ITPR2: variants seen among roughly 807,000 people sequenced by gnomAD.
ITPR2 encodes inositol 1,4,5-trisphosphate receptor type 2, also known as inositol 1,4,5-trisphosphate-gated calcium channel ITPR2.
ITPR2 carries 207 observed loss-of-function variants against 317.1 expected under a neutral mutation model. The ratio of observed to expected loss-of-function variants is 0.65; its 90% CI spans 0.58 to 0.73. The LOEUF (loss-of-function observed/expected upper bound fraction) is 0.73. ITPR2 is among the 30% of genes least tolerant of loss of function. ITPR2 has a pLI of 0.00. For missense variants in ITPR2, 2,613 were observed against 3,284.0 expected, an observed-to-expected ratio of 0.80 and a Z score of 4.99; for synonymous variants, 1,156 against 1,149.1, an observed-to-expected ratio of 1.01 and a Z score of -0.12.
At chr12:26,731,849 G>A (rs1949033429) in intron 2 of ITPR2, among the ~76,000 whole-genome samples, 1 of 152,170 alleles carries the variant, frequency 6.6e-6, no homozygotes, top group Non-Finnish European at 1.5e-5. Context: ...CAGAGTTGAT[G>A]CAGGGAGAGG....
intron 2 of ITPR2, among the ~76,000 whole-genome samples, chr12:26,775,375 C>G (rs1949941130): frequency 6.6e-6 from 1 of 151,764 alleles, no homozygotes. Context: ...AACAATGAGC[C>G]AATGCAACAA....
rs766248668 is a variant in ITPR2, at chr12:26,523,275, G to A, written c.5073+26972C>T. On this transcript the variant is annotated intron_variant, in intron 37 of 56. Coordinates refer to ENST00000381340, the MANE Select transcript of ITPR2 (RefSeq NM_002223.4). ...ACCAAATATAGGGTTAATTTCTGAC[G>A]GTTCCTTAAATTGATCAGCTATAAT... Among the ~76,000 whole-genome samples the A allele has an allele frequency of 4.6e-5, 7 of 152,004 alleles. No individual in the cohort carries two copies. The East Asian group carries it at 5.8e-4, about 13-fold the overall frequency.
intron 34 of ITPR2, among the ~76,000 whole-genome samples, chr12:26,575,506 C>T (rs1316319044): frequency 3.3e-5 from 5 of 151,860 alleles, no homozygotes; most frequent in South Asian, 2.1e-4. Context: ...ACAAGGAAAA[C>T]GAAGAAGGCA....
chr12:26,402,465 G>A (rs560897043), intron 52 of ITPR2, among the ~76,000 whole-genome samples: 24 of 152,262 alleles, frequency 1.6e-4, no homozygotes, highest in South Asian at 4.1e-4. Flanking sequence ...ACCTCTCTCC[G>A]AGAATTTAGA....
chr12:26,826,851 T>C (rs1457838588), intron 1 of ITPR2, among the ~76,000 whole-genome samples: 1 of 152,168 alleles, frequency 6.6e-6, no homozygotes, highest in Non-Finnish European at 1.5e-5. Flanking sequence ...GATTCTACTA[T>C]CCCACTATCC....
intron 20 of ITPR2, among the ~76,000 whole-genome samples, chr12:26,655,386 A>C (rs1353960406): frequency 6.6e-6 from 1 of 152,116 alleles, no homozygotes; most frequent in Admixed American, 6.5e-5. Context: ...AGGCCGGGGC[A>C]GGTGGATCAC....
chr12:26,565,027 A>T (rs1292597061), intron 34 of ITPR2, among the ~76,000 whole-genome samples: 1 of 152,218 alleles, frequency 6.6e-6, no homozygotes, highest in Non-Finnish European at 1.5e-5. Flanking sequence ...AAAAGATCCA[A>T]TACCTTTATA....
intron 15 of ITPR2, among the ~76,000 whole-genome samples, chr12:26,662,931 A>T (rs967415698): frequency 6.6e-6 from 1 of 152,014 alleles, no homozygotes; most frequent in Non-Finnish European, 1.5e-5. Context: ...TTGGCCTCCT[A>T]AAGTGTTGGG....
rs535524478 is a variant in ITPR2 at position 26,765,767 on chromosome 12, A to G, written c.163+24390T>C. ...ATTTTAGAACATTTTTATCAATTCAAAAGGAAATCTTGTACTTACTGCCTC... is the reference window on the plus strand; with the variant it reads ...ATTTTAGAACATTTTTATCAATTCAGAAGGAAATCTTGTACTTACTGCCTC... On this transcript the variant is annotated intron_variant, in intron 2 of 56. Transcript: ENST00000381340. Among the ~76,000 whole-genome samples, 14 of 152,218 alleles carry G rather than the reference A, an allele frequency of 9.2e-5. No homozygotes were observed. In the South Asian group the frequency reaches 2.9e-3, roughly 32 times the overall value.
rs1565794908 is a variant in ITPR2, at chr12:26,831,694, TCTACATAAAA to T, written c.92+986_92+995del. On this transcript the variant is annotated intron_variant, in intron 1 of 56. Transcript: ENST00000381340. This position sits in a 1 kb window ranked among gnomAD's most constrained non-coding sequence, Gnocchi z 4.9. ...TTTATATATAAATATATATATATAT[TCTACATAAAA>T]TATATAAATATATATTCTACATAAA... 8.5e-6 allele frequency among the ~76,000 whole-genome samples: 1 copy of T among 118,124 alleles called. No homozygotes were observed. Among genetic ancestry groups the T allele is most frequent in the Admixed American group, 9.1e-5 (1 of 10,996 alleles). 77.5% of individuals were successfully genotyped at this position (118,124 alleles called of 152,430 possible). A position where few individuals can be genotyped will look rare whatever the true frequency, so the allele number is the denominator to read the frequency against.
intron 9 of ITPR2, among the ~76,000 whole-genome samples, 160 bp from the exon 10 acceptor site, chr12:26,695,810 C>T (rs1160474057): frequency 6.6e-6 from 1 of 152,094 alleles, no homozygotes; most frequent in Non-Finnish European, 1.5e-5. Flanking sequence ...TAAAATACTA[C>T]CATCAAACCC....
In ITPR2 at chr12:26,736,623, G is replaced by A. The variant is rs773919106; in HGVS notation, c.164-10858C>T. On this transcript the variant is annotated intron_variant, in intron 2 of 56. Transcript: ENST00000381340. ...CAATTCTGGTTTATGCCTGTTGCCT[G>A]AGCTTAATTATTAGCCACGTCCCCC... 5.3e-5 allele frequency among the ~76,000 whole-genome samples: 8 copies of A among 152,150 alleles called. No homozygotes were observed. The South Asian group carries it at 1.5e-3, about 28-fold the overall frequency.
intron 49 of ITPR2, among the ~76,000 whole-genome samples, chr12:26,425,464 C>T (rs1941029064): frequency 6.6e-6 from 1 of 151,922 alleles, no homozygotes. Context: ...GTCAGGAGAT[C>T]AAGACCATCC....
chr12:26,618,721 A>G (rs1294160941), intron 26 of ITPR2, among the ~76,000 whole-genome samples: 2 of 152,256 alleles, frequency 1.3e-5, no homozygotes, highest in Non-Finnish European at 2.9e-5. Context: ...TGCTTGTAGT[A>G]GCAAATTTTC....
intron 2 of ITPR2, among the ~76,000 whole-genome samples, chr12:26,762,598 A>G (rs547890847): frequency 2.2e-4 from 33 of 152,342 alleles, no homozygotes; most frequent in Non-Finnish European, 4.7e-4. Flanking sequence ...GTGAAAGGAC[A>G]CTAATTAACA....
intron 55 of ITPR2, among the ~76,000 whole-genome samples, chr12:26,343,469 G>A (rs1299158315): frequency 6.6e-6 from 1 of 152,164 alleles, no homozygotes; most frequent in African/African-American, 2.4e-5. Context: ...ATAGATTAGT[G>A]ATGGTTGCAG....
intron 55 of ITPR2, among the ~76,000 whole-genome samples, chr12:26,340,994 G>T (rs1306598131): frequency 6.6e-6 from 1 of 151,940 alleles, no homozygotes; most frequent in Non-Finnish European, 1.5e-5. Context: ...TAGGTGTTTT[G>T]TGTGTGTGTG....
intron 55 of ITPR2, among the ~76,000 whole-genome samples, chr12:26,384,097 C>G (rs1939597543): frequency 6.6e-6 from 1 of 152,068 alleles, no homozygotes; most frequent in South Asian, 2.1e-4. Context: ...GGAAGATTTC[C>G]TACCAAAGTT....
intron 1 of ITPR2, among the ~76,000 whole-genome samples, chr12:26,815,871 A>G (rs1194889338): frequency 1.3e-5 from 2 of 152,104 alleles, no homozygotes; most frequent in Non-Finnish European, 2.9e-5. Context: ...AGGCAGGTGG[A>G]TCACGAGGTC....
Sources: gnomAD v4.1 joint callset for allele counts (sites outside exome capture counted in the v4.1 genomes callset) on GRCh38, gnomAD v4.1.1 for gene constraint, Gnocchi (gnomAD v3.1) non-coding constraint, MANE v1.5 for transcripts, NCBI Gene and HGNC (gene_info 2026-07-23, HGNC 2026-07-21) for gene names.